WDR33: variants seen among roughly 807,000 people sequenced by gnomAD.
WDR33 encodes the protein pre-mRNA 3' end processing protein WDR33.
Under a neutral mutation model 164.9 loss-of-function variants are expected in WDR33, and 47 were observed. That is an observed-to-expected ratio of 0.29 (90% CI 0.23 to 0.36). The LOEUF (loss-of-function observed/expected upper bound fraction) is 0.36. Among genes scored for constraint, WDR33 ranks in the 10% least tolerant of loss-of-function variants. WDR33 has a pLI of 1.00. For missense variants in WDR33, 1,137 were observed against 1,754.1 expected (o/e 0.65, Z 6.28); for synonymous variants, 505 against 589.0 (o/e 0.86, Z 2.06).
chr2:127,805,061 G>A (rs1278875655), intron 1 of WDR33, among the ~76,000 whole-genome samples: 1 of 108,462 alleles, frequency 9.2e-6, no homozygotes, highest in Admixed American at 9.3e-5. Flanking sequence ...CACCTGTGAA[G>A]TTTTTTCTTT....
chr2:127,753,271 T>A (rs1043509675), intron 7 of WDR33, among the ~76,000 whole-genome samples: 1 of 152,256 alleles, frequency 6.6e-6, no homozygotes, highest in African/African-American at 2.4e-5. Context: ...TCATATCTGT[T>A]GAATTTTTTA....
At chr2:127,779,975 ATT>A (rs1201664053) in intron 1 of WDR33, among the ~76,000 whole-genome samples, 2,095 of 142,660 alleles carry the variant, frequency 0.015, 50 homozygotes, top group African/African-American at 0.052. Flanking sequence ...GGTTTTTTTG[ATT>A]TTTTTTTTTT....
chr2:127,715,963 G>T (rs575287288), intron 17 of WDR33, among the ~76,000 whole-genome samples: 1 of 152,184 alleles, frequency 6.6e-6, no homozygotes, highest in African/African-American at 2.4e-5. Context: ...AGAGAAAAGG[G>T]AAAGAGCAAG....
chr2:127,762,565 C>T (rs1337993546), intron 7 of WDR33: 2 of 981,290 alleles, frequency 2.0e-6, no homozygotes, highest in Admixed American at 6.3e-5. Flanking sequence ...CAATGCCACC[C>T]GAACTTAGTA....
At chr2:127,748,981 T>C in intron 7 of WDR33, among the ~76,000 whole-genome samples, 1 of 152,026 alleles carries the variant, frequency 6.6e-6, no homozygotes, top group East Asian at 1.9e-4. Context: ...GATTTTCATA[T>C]GCACTCTTTT....
Position 127,763,302 on chromosome 2 carries a change from AT to A in WDR33, c.627-144del. 1 of 1,464,668 alleles carries A rather than the reference AT, an allele frequency of 6.8e-7. No individual in the cohort carries two copies. The highest frequency in any genetic ancestry group is 1.4e-5 in the South Asian group (1 of 70,568). 90.7% of individuals were successfully genotyped at this position (1,464,668 alleles called of 1,614,324 possible). A position where few individuals can be genotyped will look rare whatever the true frequency, so the allele number is the denominator to read the frequency against. ...TCCAGTGAAGAAGCCCTTAAAGTGA[AT>A]GTCGTCAGCTAACATAGGCATCTCA... On this transcript the variant is annotated intron_variant, in intron 6 of 21. Transcript: ENST00000322313. The surrounding 1 kb of genome is among the most constrained non-coding windows in gnomAD (Gnocchi z 4.5).
chr2:127,776,282 G>C (rs1688180700), intron 1 of WDR33, among the ~76,000 whole-genome samples: 1 of 152,152 alleles, frequency 6.6e-6, no homozygotes, highest in Non-Finnish European at 1.5e-5. Context: ...CTCACATCCT[G>C]ATCTCAGACT....
intron 1 of WDR33, among the ~76,000 whole-genome samples, chr2:127,780,605 TG>T (rs1426870847): frequency 1.3e-5 from 2 of 152,212 alleles, no homozygotes; most frequent in Non-Finnish European, 2.9e-5. Context: ...GGCTCATGAC[TG>T]TAACCCCAGC....
At position 127,764,293 on chromosome 2, in the gene WDR33, C is replaced by A; in HGVS notation, c.626+535G>T. On this transcript the variant is annotated intron_variant, in intron 6 of 21. Transcript: ENST00000322313. This position sits in a 1 kb window ranked among gnomAD's most constrained non-coding sequence, Gnocchi z 6.2. ...CTTACAGCTGCAAAGCTTGAAGAAC[C>A]CATTCATTACTCCGTTAATGTTTGC... 7.8e-7 allele frequency: 1 copy of A among 1,281,004 alleles called. No individual in the cohort carries two copies. The highest frequency in any genetic ancestry group is 9.9e-7 in the Non-Finnish European group (1 of 1,012,862). 79.4% of individuals were successfully genotyped at this position (1,281,004 alleles called of 1,614,324 possible).
intron 7 of WDR33, among the ~76,000 whole-genome samples, chr2:127,754,103 T>C (rs1392484840): frequency 7.2e-5 from 11 of 152,190 alleles, no homozygotes; most frequent in East Asian, 1.9e-4. Context: ...CAAAAAATGT[T>C]TGGAAGATTA....
Position 127,764,699 on chromosome 2 carries a change from G to T in WDR33, c.626+129C>A, listed in dbSNP as rs762509338. ...ATGTGTGAAAACAAAGAAAAATATT[G>T]TGTTTATAGGGTGCAGAAAGTTTCC... On this transcript the variant is annotated intron_variant, in intron 6 of 21. Coordinates refer to ENST00000322313, the MANE Select transcript of WDR33 (RefSeq NM_018383.5). The surrounding 1 kb of genome is among the most constrained non-coding windows in gnomAD (Gnocchi z 6.2). 6.2e-6 allele frequency: 10 copies of T among 1,610,072 alleles called. No homozygotes were observed. The African/African-American group carries it at 1.3e-4, about 22-fold the overall frequency.
chr2:127,804,995 C>T (rs1689380908), intron 1 of WDR33, among the ~76,000 whole-genome samples: 1 of 151,656 alleles, frequency 6.6e-6, no homozygotes, highest in Admixed American at 6.6e-5. Flanking sequence ...GTCCCTACCA[C>T]CTTATTGAAG....
In WDR33 at chr2:127,741,079, AT is replaced by A. The variant is rs1472037597; in HGVS notation, c.725-14303del. Among the ~76,000 whole-genome samples, 1 of 152,204 alleles carries A rather than the reference AT, an allele frequency of 6.6e-6. No homozygotes were observed. The highest frequency in any genetic ancestry group is 2.4e-5 in the African/African-American group (1 of 41,454). ...CTGTGATGAAGTAATGAGGGTAATT[AT>A]AGGGAGACTTGTCCAGGTTGTCCCT... On this transcript the variant is annotated intron_variant, in intron 7 of 21. Coordinates refer to ENST00000322313, the MANE Select transcript of WDR33 (RefSeq NM_018383.5). The surrounding 1 kb of genome is among the most constrained non-coding windows in gnomAD (Gnocchi z 4.1).
chr2:127,803,656 A>G (rs1342081771), intron 1 of WDR33, among the ~76,000 whole-genome samples: 2 of 152,196 alleles, frequency 1.3e-5, no homozygotes, highest in African/African-American at 4.8e-5. Flanking sequence ...CATACAAGCA[A>G]ATGCATACAC....
intron 7 of WDR33, among the ~76,000 whole-genome samples, chr2:127,756,752 AAATT>A (rs1687532630): frequency 6.6e-6 from 1 of 152,174 alleles, no homozygotes; most frequent in Non-Finnish European, 1.5e-5. Context: ...CTGACTGCCT[AAATT>A]AATAATCATA....
intron 1 of WDR33, among the ~76,000 whole-genome samples, chr2:127,787,352 C>T (rs1444428304): frequency 6.0e-5 from 7 of 117,360 alleles, no homozygotes; most frequent in Non-Finnish European, 1.2e-4. Flanking sequence ...CATCCTGGCC[C>T]GTTCTCAATG....
intron 1 of WDR33, among the ~76,000 whole-genome samples, chr2:127,788,405 G>C (rs1325702091): frequency 8.0e-6 from 1 of 124,408 alleles, no homozygotes; most frequent in Non-Finnish European, 1.7e-5. Context: ...CGGACGGGGC[G>C]GCTGGCCGGG....
chr2:127,781,768 G>A (rs1012067953), intron 1 of WDR33, among the ~76,000 whole-genome samples: 10 of 151,620 alleles, frequency 6.6e-5, no homozygotes, highest in African/African-American at 2.4e-4. Context: ...GGAGGCCGAG[G>A]TAGGCAGATC....
At chr2:127,750,362 G>T (rs558654869) in intron 7 of WDR33, among the ~76,000 whole-genome samples, 1 of 151,780 alleles carries the variant, frequency 6.6e-6, no homozygotes, top group South Asian at 2.1e-4. Flanking sequence ...AAATATAAGG[G>T]AAGGCCAGGC....
Sources: allele counts gnomAD v4.1 joint callset (sites outside exome capture counted in the v4.1 genomes callset), GRCh38; gene constraint gnomAD v4.1.1; non-coding constraint Gnocchi (gnomAD v3.1); transcripts MANE v1.5; gene names NCBI Gene and HGNC (gene_info 2026-07-23, HGNC 2026-07-21).